ARB2A: variants seen among roughly 807,000 people sequenced by gnomAD.
ARB2A encodes cotranscriptional regulator ARB2A.
chr5:93,785,193 T>C, the ARB2A span, among the ~76,000 whole-genome samples: 1 of 152,262 alleles, frequency 6.6e-6, no homozygotes, highest in South Asian at 2.1e-4. Flanking sequence ...ATCAGTGGTC[T>C]GCCAGATAAA....
chr5:93,966,375 C>A, the ARB2A span, among the ~76,000 whole-genome samples: 1 of 151,936 alleles, frequency 6.6e-6, no homozygotes, highest in Non-Finnish European at 1.5e-5. Context: ...AAAAGCTGGA[C>A]AAACTAGAAG....
chr5:93,866,368 CTT>C, the ARB2A span: 3 of 850,842 alleles, frequency 3.5e-6, no homozygotes, highest in Middle Eastern at 5.8e-4. Context: ...TTTCAACTAA[CTT>C]TTAGGTGCAA....
chr5:93,618,165 A>C, the ARB2A span: 1 of 152,046 alleles, frequency 6.6e-6, no homozygotes, highest in African/African-American at 2.4e-5. Context: ...TCGCATAAAC[A>C]ATAATAATGC....
the ARB2A span, among the ~76,000 whole-genome samples, chr5:93,859,356 C>A: frequency 6.6e-6 from 1 of 150,598 alleles, no homozygotes; most frequent in Non-Finnish European, 1.5e-5. Context: ...TAACTCCAAA[C>A]GTAAAAGTTA....
the ARB2A span, among the ~76,000 whole-genome samples, chr5:93,868,163 TA>T: frequency 6.6e-6 from 1 of 151,606 alleles, no homozygotes; most frequent in African/African-American, 2.4e-5. Flanking sequence ...ATACAAAAAA[TA>T]AAAAAAATTA....
the ARB2A span, among the ~76,000 whole-genome samples, chr5:93,921,157 T>TAA: frequency 0.092 from 11,391 of 123,992 alleles, 606 homozygotes; most frequent in Middle Eastern, 0.13. Context: ...AAGACCATGT[T>TAA]AAAAAAAAAA....
chr5:93,650,824 C>T, the ARB2A span, among the ~76,000 whole-genome samples: 4 of 145,012 alleles, frequency 2.8e-5, no homozygotes, highest in African/African-American at 1.0e-4. Flanking sequence ...CCTTTCTCTA[C>T]TAAAAAAAAA....
the ARB2A span, among the ~76,000 whole-genome samples, chr5:94,030,036 G>T: frequency 6.6e-6 from 1 of 152,108 alleles, no homozygotes; most frequent in African/African-American, 2.4e-5. Flanking sequence ...AAAACCATCA[G>T]ATCCTCACTA....
the ARB2A span, chr5:94,050,704 A>T: frequency 1.1e-5 from 17 of 1,512,796 alleles, no homozygotes; most frequent in African/African-American, 1.8e-4. Context: ...TGGGAAAAAC[A>T]AAGTTAAAGT....
chr5:93,950,989 T>A, the ARB2A span, among the ~76,000 whole-genome samples: 1 of 150,752 alleles, frequency 6.6e-6, no homozygotes, highest in African/African-American at 2.4e-5. Flanking sequence ...TAAGTCCTAA[T>A]AGTATATAAA....
At chr5:93,994,114 A>C in the ARB2A span, among the ~76,000 whole-genome samples, 1 of 152,104 alleles carries the variant, frequency 6.6e-6, no homozygotes, top group Non-Finnish European at 1.5e-5. Context: ...GAGGTTCCTC[A>C]AAAAAATTAA....
the ARB2A span, among the ~76,000 whole-genome samples, chr5:93,979,493 T>A: frequency 2.6e-5 from 4 of 152,070 alleles, no homozygotes; most frequent in Non-Finnish European, 4.4e-5. Flanking sequence ...ATCACTAATA[T>A]TGATTAACCA....
chr5:93,802,026 C>A, the ARB2A span, among the ~76,000 whole-genome samples: 1 of 151,826 alleles, frequency 6.6e-6, no homozygotes, highest in South Asian at 2.1e-4. Context: ...TAACTTTTAC[C>A]ATGCATATTC....
At chr5:94,002,976 T>C in the ARB2A span, among the ~76,000 whole-genome samples, 1 of 152,068 alleles carries the variant, frequency 6.6e-6, no homozygotes, top group Non-Finnish European at 1.5e-5. Flanking sequence ...ACAGGAGACA[T>C]AAAGCAACAT....
At chr5:94,059,744 C>T in the ARB2A span, among the ~76,000 whole-genome samples, 1 of 146,866 alleles carries the variant, frequency 6.8e-6, no homozygotes, top group African/African-American at 2.5e-5. Context: ...CATTTTTCAA[C>T]TAAAAAAAAA....
At chr5:93,960,193 C>A in the ARB2A span, among the ~76,000 whole-genome samples, 1 of 148,296 alleles carries the variant, frequency 6.7e-6, no homozygotes, top group East Asian at 2.0e-4. Context: ...ACTTCTAAAA[C>A]AATCAGGCTA....
At chr5:93,627,440 T>G in the ARB2A span, among the ~76,000 whole-genome samples, 1 of 120,514 alleles carries the variant, frequency 8.3e-6, no homozygotes, top group African/African-American at 3.3e-5. Context: ...CAAAATGTGT[T>G]TTGTTTTTTT....
At chr5:94,085,140 C>T in the ARB2A span, among the ~76,000 whole-genome samples, 6,231 of 152,240 alleles carry the variant, frequency 0.041, 177 homozygotes, top group East Asian at 0.13. Context: ...CAATCTCACA[C>T]CTTGGTCCAC....
chr5:93,991,180 AC>A, the ARB2A span, among the ~76,000 whole-genome samples: 1 of 152,088 alleles, frequency 6.6e-6, no homozygotes, highest in African/African-American at 2.4e-5. Flanking sequence ...TTGAGTTGCA[AC>A]TACCCAGTCT....
Sources: allele counts gnomAD v4.1 joint callset (sites outside exome capture counted in the v4.1 genomes callset), GRCh38; gene constraint gnomAD v4.1.1; transcripts MANE v1.5; gene names NCBI Gene and HGNC (gene_info 2026-07-23, HGNC 2026-07-21).